Variants in MARCHF4 observed in about 807,000 individuals in gnomAD.
MARCHF4 encodes E3 ubiquitin-protein ligase MARCHF4.
A neutral mutation model predicts 43.9 loss-of-function variants in MARCHF4; 14 were observed. The observed-to-expected ratio is 0.32, with a 90% CI of 0.21 to 0.50. The LOEUF is 0.50. Ranked by LOEUF, MARCHF4 falls within the 20% of genes least tolerant of loss-of-function variation. MARCHF4 has a pLI of 0.98. For synonymous variants in MARCHF4, 226 were observed against 213.3 expected (o/e 1.06, Z -0.52); for missense variants, 468 against 536.7 (o/e 0.87, Z 1.27).
rs1252651696 is a variant in MARCHF4 at position 216,371,955 on chromosome 2, A to C, written c.-1695T>G. The C allele has an allele frequency of 6.6e-6, 1 of 151,000 alleles. No homozygotes were observed. Among genetic ancestry groups the C allele is most frequent in the Non-Finnish European group, 1.5e-5 (1 of 67,698 alleles). 9.4% of individuals were successfully genotyped at this position (151,000 alleles called of 1,614,324 possible). On this transcript the variant is annotated 5_prime_UTR_variant, in exon 1 of 4. Transcript: ENST00000273067. ...TGTTGCTACCTCTCCTCGCAGATGC[A>C]ACGAGGTAAGGCTTGTTTGCGGTGC...
At chr2:216,303,791 G>GT (rs1270470898) in intron 1 of MARCHF4, 1 of 152,178 alleles carries the variant, frequency 6.6e-6, no homozygotes, top group Non-Finnish European at 1.5e-5. Flanking sequence ...TAGTCTGACA[G>GT]TTTTTTATAT....
At chr2:216,277,473 G>A (rs148098030) in intron 3 of MARCHF4, among the ~76,000 whole-genome samples, 199 bp downstream of exon 3, 4 of 152,256 alleles carry the variant, frequency 2.6e-5, no homozygotes, top group Non-Finnish European at 5.9e-5. Context: ...GAAAGATCTA[G>A]ATCTTCCTTC....
intron 1 of MARCHF4, among the ~76,000 whole-genome samples, chr2:216,301,698 A>C (rs1313540133): frequency 1.3e-5 from 2 of 152,264 alleles, no homozygotes; most frequent in Non-Finnish European, 2.9e-5. Flanking sequence ...TGTGAAGGTC[A>C]ATAGATGAGA....
chr2:216,367,580 C>CA (rs1477757442), intron 1 of MARCHF4, among the ~76,000 whole-genome samples: 1 of 152,192 alleles, frequency 6.6e-6, no homozygotes, highest in Non-Finnish European at 1.5e-5. Flanking sequence ...GGTAAACCCC[C>CA]AAAACAAAAT....
intron 3 of MARCHF4, among the ~76,000 whole-genome samples, chr2:216,271,285 C>T (rs115670431): frequency 0.01 from 1,539 of 152,296 alleles, 10 homozygotes; most frequent in Admixed American, 0.014. Flanking sequence ...TGTCTCTGCA[C>T]CTCCATACAA....
At chr2:216,347,399 T>C (rs1420756455) in intron 1 of MARCHF4, among the ~76,000 whole-genome samples, 2 of 152,180 alleles carry the variant, frequency 1.3e-5, no homozygotes, top group Non-Finnish European at 2.9e-5. Flanking sequence ...AAAGGCTTAG[T>C]AATCCAGGAG....
chr2:216,262,351 G>A (rs1210919878), intron 3 of MARCHF4, among the ~76,000 whole-genome samples: 2 of 152,208 alleles, frequency 1.3e-5, no homozygotes, highest in Non-Finnish European at 2.9e-5. Flanking sequence ...GGAAGAAGAA[G>A]AAACCTGGGC....
chr2:216,301,336 C>T (rs983375090), intron 1 of MARCHF4, among the ~76,000 whole-genome samples: 1 of 152,188 alleles, frequency 6.6e-6, no homozygotes, highest in East Asian at 1.9e-4. Flanking sequence ...CACACTTGGG[C>T]GATTAGTACT....
At chr2:216,336,415 C>T (rs1328123760) in intron 1 of MARCHF4, among the ~76,000 whole-genome samples, 2 of 152,172 alleles carry the variant, frequency 1.3e-5, no homozygotes, top group South Asian at 2.1e-4. Flanking sequence ...AACCCATCCA[C>T]TCAGACTTGT....
At chr2:216,305,300 A>G (rs1449966902) in intron 1 of MARCHF4, among the ~76,000 whole-genome samples, 1 of 152,160 alleles carries the variant, frequency 6.6e-6, no homozygotes, top group East Asian at 1.9e-4. Flanking sequence ...AGGTGGGTAT[A>G]AGTTCAAGGT....
intron 1 of MARCHF4, among the ~76,000 whole-genome samples, chr2:216,339,657 T>A (rs999786112): frequency 6.6e-6 from 1 of 152,192 alleles, no homozygotes; most frequent in Non-Finnish European, 1.5e-5. Flanking sequence ...AGTTTTACAA[T>A]CCTTTTCAAA....
intron 1 of MARCHF4, among the ~76,000 whole-genome samples, chr2:216,331,946 T>G (rs956242502): frequency 6.6e-6 from 1 of 152,202 alleles, no homozygotes. Flanking sequence ...TCTATTCGTA[T>G]TATACTAGGA....
At chr2:216,344,028 G>A (rs1019573568) in intron 1 of MARCHF4, among the ~76,000 whole-genome samples, 6 of 152,054 alleles carry the variant, frequency 3.9e-5, no homozygotes, top group Non-Finnish European at 8.8e-5. Context: ...AGGGGAGAGG[G>A]GACTGATGGG....
At position 216,259,170 on chromosome 2, in the gene MARCHF4, G is replaced by A. The variant is rs528120952; in HGVS notation, c.*142C>T. ...CTGCTCCTGCACCAGCCTCACTCCC[G>A]CTCTGACACTACCCCAGGGCTCCCG... On this transcript the variant is annotated 3_prime_UTR_variant, in exon 4 of 4. Coordinates refer to ENST00000273067, the MANE Select transcript of MARCHF4 (RefSeq NM_020814.3). The A allele has an allele frequency of 4.3e-4, 545 of 1,261,062 alleles. 2 individuals carry two copies. Among genetic ancestry groups the A allele is most frequent in the Non-Finnish European group, 5.2e-4 (481 of 928,846 alleles). 78.1% of individuals were successfully genotyped at this position (1,261,062 alleles called of 1,614,324 possible). A position where few individuals can be genotyped will look rare whatever the true frequency, so the allele number is the denominator to read the frequency against.
chr2:216,259,321 C>A lies in MARCHF4; in HGVS notation c.1224G>T (p.Thr408=). ...GSSRELVMRV[T]TV ...TTCCGGGCCTCTGCTCTCACACTGT[C>A]GTGACTCTCATGACCAGCTCTCGGC... Residue 408 remains threonine, a synonymous_variant, in exon 4 of 4, where the codon ACG becomes ACT. Coordinates refer to ENST00000273067, the MANE Select transcript of MARCHF4 (RefSeq NM_020814.3). 3 of 1,548,086 alleles carry A rather than the reference C, an allele frequency of 1.9e-6. No homozygotes were observed. Among genetic ancestry groups the A allele is most frequent in the South Asian group, 2.5e-5 (2 of 80,492 alleles).
rs73066467 is a variant in MARCHF4, at chr2:216,333,983, G to A, written c.516+35762C>T. Among the ~76,000 whole-genome samples the A allele has an allele frequency of 7.8e-3, 1,176 of 149,952 alleles. 13 individuals are homozygous for A. Among genetic ancestry groups the A allele is most frequent in the African/African-American group, 0.027 (1,110 of 40,754 alleles). ...TAATTTTTTTTTTTTTTTTAAGAAT[G>A]ATACCTAATGTTGGCTTGATAGGCA... On this transcript the variant is annotated intron_variant, in intron 1 of 3. Transcript: ENST00000273067.
chr2:216,331,727 A>G, intron 1 of MARCHF4, among the ~76,000 whole-genome samples: 1 of 152,256 alleles, frequency 6.6e-6, no homozygotes, highest in East Asian at 1.9e-4. Flanking sequence ...ACTGAGAAAA[A>G]TCAATATGGT....
At position 216,333,087 on chromosome 2, in the gene MARCHF4, C is replaced by A. The variant is rs1574480321; in HGVS notation, c.516+36658G>T. On this transcript the variant is annotated intron_variant, in intron 1 of 3. Coordinates refer to ENST00000273067, the MANE Select transcript of MARCHF4 (RefSeq NM_020814.3). Reference sequence around the variant, plus strand: ...AAACAAAGAAGAATGTTTTCATGATCTTTGGGACAGGCAAAATTTTCTTAC... The same window carrying A: ...AAACAAAGAAGAATGTTTTCATGATATTTGGGACAGGCAAAATTTTCTTAC... 2.0e-5 allele frequency among the ~76,000 whole-genome samples: 3 copies of A among 152,154 alleles called. No homozygotes were observed. The East Asian group carries it at 5.8e-4, about 29-fold the overall frequency.
At chr2:216,318,006 C>T (rs934493237) in intron 1 of MARCHF4, 6 of 152,288 alleles carry the variant, frequency 3.9e-5, no homozygotes, top group Admixed American at 2.0e-4. Flanking sequence ...CCAGCGCTTC[C>T]GAGGCTGATC....
Sources: allele counts gnomAD v4.1 joint callset (sites outside exome capture counted in the v4.1 genomes callset), GRCh38; gene constraint gnomAD v4.1.1; transcripts MANE v1.5; gene names NCBI Gene and HGNC (gene_info 2026-07-23, HGNC 2026-07-21).